The following GPC5 variants were observed in gnomAD, a reference collection of about 807,000 sequenced individuals.
The protein encoded by GPC5 is glypican-5.
In GPC5, 47 loss-of-function variants were observed where a neutral mutation model predicts 53.9. The observed-to-expected ratio is 0.87, with a 90% CI of 0.69 to 1.11. The LOEUF is 1.11. Ranked by LOEUF, GPC5 falls within the 50% of genes most tolerant of loss-of-function variation. The pLI is 0.00. For missense variants in GPC5, 748 were observed against 713.1 expected, an observed-to-expected ratio of 1.05 and a Z score of -0.56; for synonymous variants, 286 against 263.3, an observed-to-expected ratio of 1.09 and a Z score of -0.84.
intron 2 of GPC5, among the ~76,000 whole-genome samples, chr13:91,495,712 T>C (rs532698239): frequency 6.6e-6 from 1 of 152,308 alleles, no homozygotes; most frequent in South Asian, 2.1e-4. Context: ...CTTTCCAAAA[T>C]AGGGAAAACA....
chr13:91,789,226 A>G (rs1260172926), intron 5 of GPC5, among the ~76,000 whole-genome samples: 1 of 152,210 alleles, frequency 6.6e-6, no homozygotes, highest in Non-Finnish European at 1.5e-5. Flanking sequence ...AAAGAAAAAA[A>G]AAAAGAAATC....
At chr13:92,385,459 T>C (rs2043791923) in intron 7 of GPC5, among the ~76,000 whole-genome samples, 1 of 127,016 alleles carries the variant, frequency 7.9e-6, no homozygotes, top group African/African-American at 3.1e-5. Context: ...TATACATATA[T>C]ACACATATAT....
intron 6 of GPC5, among the ~76,000 whole-genome samples, chr13:92,044,737 C>T (rs569623294): frequency 5.3e-5 from 8 of 152,292 alleles, no homozygotes; most frequent in Admixed American, 5.2e-4. Context: ...TTTAAATGCA[C>T]TAACAAAATT....
At chr13:91,918,818 T>G (rs2039683721) in intron 6 of GPC5, among the ~76,000 whole-genome samples, 1 of 152,194 alleles carries the variant, frequency 6.6e-6, no homozygotes, top group African/African-American at 2.4e-5. Context: ...ATGTATCTCT[T>G]TATTTCCTTT....
chr13:91,740,637 C>T (rs899326937), intron 4 of GPC5, among the ~76,000 whole-genome samples: 4 of 152,150 alleles, frequency 2.6e-5, no homozygotes, highest in Non-Finnish European at 4.4e-5. Flanking sequence ...ATACCAGTTA[C>T]GGAGGTCTCC....
intron 1 of GPC5, among the ~76,000 whole-genome samples, chr13:91,437,369 T>G (rs147422141): frequency 0.051 from 7,764 of 152,258 alleles, 304 homozygotes; most frequent in East Asian, 0.18. Flanking sequence ...GGGAGCTCTT[T>G]TAGGGCAGGC....
chr13:91,419,046 G>C (rs890524717), intron 1 of GPC5, among the ~76,000 whole-genome samples: 3 of 151,954 alleles, frequency 2.0e-5, no homozygotes, highest in Admixed American at 6.6e-5. Context: ...GTATTCATAT[G>C]ATGTATACTT....
At chr13:91,722,533 G>A (rs1485513281) in intron 3 of GPC5, among the ~76,000 whole-genome samples, 28 of 152,194 alleles carry the variant, frequency 1.8e-4, no homozygotes, top group Non-Finnish European at 1.2e-4. Flanking sequence ...TAGCAACGTG[G>A]AATCAAGATT....
At chr13:91,786,634 T>C (rs2037884166) in intron 5 of GPC5, among the ~76,000 whole-genome samples, 1 of 152,226 alleles carries the variant, frequency 6.6e-6, no homozygotes, top group Admixed American at 6.5e-5. Flanking sequence ...ACCATACCAA[T>C]GGTCATAAAT....
Position 91,693,829 on chromosome 13 carries a change from TTAA to T in GPC5, c.970_972del (p.Asn324del). The T allele has an allele frequency of 1.2e-6, 2 of 1,612,010 alleles. No homozygotes were observed. The highest frequency in any genetic ancestry group is 1.1e-5 in the South Asian group (1 of 91,050). On this transcript the variant is annotated inframe_deletion, in exon 3 of 8. Coordinates refer to ENST00000377067, the MANE Select transcript of GPC5 (RefSeq NM_004466.6). Reference sequence around the variant, plus strand: ...GTGCTGCTGAACTTTCACTTGCTTGTTAATGATGCTGTGTTACAGGCTCACCTC... The same window carrying T: ...GTGCTGCTGAACTTTCACTTGCTTGTTGATGCTGTGTTACAGGCTCACCTC...
At chr13:92,859,464 T>C (rs1486366492) in intron 7 of GPC5, among the ~76,000 whole-genome samples, 1 of 152,138 alleles carries the variant, frequency 6.6e-6, no homozygotes, top group Admixed American at 6.6e-5. Flanking sequence ...TAATTTTTAA[T>C]AGCACTTTAA....
rs752130758 is a variant in GPC5, at chr13:92,708,857, CTTTTTTTTTTTTTTTTTTTTTTTTTTT to C, written c.1562-157408_1562-157382del. The stretch of plus-strand genomic sequence containing the variant: ...CTAGCAGCATCTAGCTGGAAACCGC[CTTTTTTTTTTTTTTTTTTTTTTTTTTT>C]TTTTTTTTTTTTTTTTGAGGCAGAG... On this transcript the variant is annotated intron_variant, in intron 7 of 7. Transcript: ENST00000377067. 1.0e-4 allele frequency among the ~76,000 whole-genome samples: 5 copies of C among 48,140 alleles called. No individual in the cohort carries two copies. In the East Asian group the frequency reaches 1.8e-3, roughly 18 times the overall value. 31.6% of individuals were successfully genotyped at this position (48,140 alleles called of 152,430 possible).
intron 6 of GPC5, among the ~76,000 whole-genome samples, chr13:91,968,877 C>T (rs774118804): frequency 6.6e-6 from 1 of 152,062 alleles, no homozygotes. Flanking sequence ...TACTTATTTT[C>T]CTTATTTTTT....
At chr13:91,998,937 A>G (rs1466531900) in intron 6 of GPC5, among the ~76,000 whole-genome samples, 1 of 152,216 alleles carries the variant, frequency 6.6e-6, no homozygotes, top group Non-Finnish European at 1.5e-5. Flanking sequence ...GAATAGTTCA[A>G]AGATAGATAA....
At chr13:92,377,784 G>A (rs959031738) in intron 7 of GPC5, among the ~76,000 whole-genome samples, 1 of 151,966 alleles carries the variant, frequency 6.6e-6, no homozygotes, top group Non-Finnish European at 1.5e-5. Context: ...ACATTAAATG[G>A]CCAACCAAGA....
chr13:91,679,181 A>G (rs2035451265), intron 2 of GPC5, among the ~76,000 whole-genome samples: 1 of 151,900 alleles, frequency 6.6e-6, no homozygotes, highest in Non-Finnish European at 1.5e-5. Flanking sequence ...TTATTTATTT[A>G]TTTATTTATT....
intron 5 of GPC5, among the ~76,000 whole-genome samples, chr13:91,883,951 C>A (rs1418593943): frequency 6.6e-6 from 1 of 151,904 alleles, no homozygotes; most frequent in Non-Finnish European, 1.5e-5. Context: ...GCTTTCACCC[C>A]CCTTTTCAAA....
chr13:92,213,913 T>A (rs984376333), intron 7 of GPC5, among the ~76,000 whole-genome samples: 1 of 152,230 alleles, frequency 6.6e-6, no homozygotes, highest in Non-Finnish European at 1.5e-5. Flanking sequence ...ACTATTGTTA[T>A]TGAGACTTTC....
At chr13:91,711,553 T>A (rs1444103960) in intron 3 of GPC5, among the ~76,000 whole-genome samples, 3 of 152,134 alleles carry the variant, frequency 2.0e-5, no homozygotes, top group African/African-American at 7.2e-5. Context: ...TGTATACATA[T>A]GTATCAAACC....
Sources: gnomAD v4.1 joint callset for allele counts (sites outside exome capture counted in the v4.1 genomes callset) on GRCh38, gnomAD v4.1.1 for gene constraint, MANE v1.5 for transcripts, NCBI Gene and HGNC (gene_info 2026-07-23, HGNC 2026-07-21) for gene names.